The following UXT variants were observed in gnomAD, a reference collection of about 807,000 sequenced individuals.
UXT encodes protein UXT.
For synonymous variants in UXT, 54 were observed against 52.8 expected (o/e 1.02, Z -0.10); for missense variants, 111 against 132.7 (o/e 0.84, Z 0.80).
At chrX:47,656,906 T>C (rs950290330) in intron 4 of UXT, among the ~76,000 whole-genome samples, 1 of 112,427 alleles carries the variant, frequency 8.9e-6, no homozygotes, top group Non-Finnish European at 1.9e-5. Context: ...AAGGAACTCT[T>C]CTGTCTTGTT....
chrX:47,658,011 G>A (rs1324922163), intron 1 of UXT, 148 bp from the exon 3 acceptor site: 6 of 385,292 alleles, frequency 1.6e-5, no homozygotes, highest in Non-Finnish European at 2.5e-5. Context: ...GGGTCAGACT[G>A]CCTGGGTTTG....
At chrX:47,658,553 GCCGAGCCAGGATTCGAAC>G (rs1425785979) in intron 1 of UXT, among the ~76,000 whole-genome samples, 2 of 112,003 alleles carry the variant, frequency 1.8e-5, no homozygotes, top group East Asian at 5.6e-4. Context: ...ATGAAGAATG[GCCGAGCCAGGATTCGAAC>G]CCGAGAACTG....
Position 47,651,806 on chromosome X carries a change from T to G in UXT, c.*36A>C. Reference sequence around the variant, plus strand: ...GAAGGGCCATGTGACTCAAAGGCATTCAGGCTCTTTAATGTCTGAGGATGG... The same window carrying G: ...GAAGGGCCATGTGACTCAAAGGCATGCAGGCTCTTTAATGTCTGAGGATGG... On this transcript the variant is annotated 3_prime_UTR_variant, in exon 6 of 6. Transcript: ENST00000335890. The G allele has an allele frequency of 8.3e-7, 1 of 1,201,849 alleles. No individual in the cohort carries two copies. Among genetic ancestry groups the G allele is most frequent in the Non-Finnish European group, 1.1e-6 (1 of 889,303 alleles).
At position 47,659,172 on chromosome X, in the gene UXT, G is replaced by C; in HGVS notation, c.-209C>G. 1.8e-6 allele frequency: 1 copy of C among 560,656 alleles called. No homozygotes were observed. The highest frequency in any genetic ancestry group is 3.0e-6 in the Non-Finnish European group (1 of 334,211). The allele number at this position is 560,656 out of a possible 1,213,427, so 46.2% of individuals were successfully genotyped here. ...GAACCGCGGCTTCCGGGTGGCGCGGGTGAATGACGTAAGTGGCAAGCGCGC... is the reference window on the plus strand; with the variant it reads ...GAACCGCGGCTTCCGGGTGGCGCGGCTGAATGACGTAAGTGGCAAGCGCGC... On this transcript the variant is annotated 5_prime_UTR_variant, in exon 1 of 6. Coordinates refer to ENST00000335890, the MANE Select transcript of UXT (RefSeq NM_153477.3).
chrX:47,654,565 T>C (rs2058078095), intron 4 of UXT, among the ~76,000 whole-genome samples: 1 of 111,528 alleles, frequency 9.0e-6, no homozygotes, highest in Admixed American at 9.6e-5. Context: ...TGTACTCCTT[T>C]CTGTGTCATC....
At chrX:47,652,623 C>T (rs903072018) in intron 4 of UXT, among the ~76,000 whole-genome samples, 3 of 111,960 alleles carry the variant, frequency 2.7e-5, no homozygotes, top group African/African-American at 9.8e-5. Flanking sequence ...GTGTTCCACA[C>T]ACAAGGGGCA....
At chrX:47,652,053 G>C in intron 5 of UXT, 28 bp downstream of exon 6, 1 of 1,202,104 alleles carries the variant, frequency 8.3e-7, no homozygotes, top group Non-Finnish European at 1.1e-6. Context: ...TAAACACAGA[G>C]TCTGGTAGTG....
At chrX:47,651,928 A>G in intron 5 of UXT, 33 bp from the exon 7 acceptor site, 1 of 1,206,116 alleles carries the variant, frequency 8.3e-7, no homozygotes, top group Non-Finnish European at 1.1e-6. Flanking sequence ...TTGAACAAAG[A>G]CTGGGTCTGG....
chrX:47,654,171 T>C, intron 4 of UXT: 1 of 605,871 alleles, frequency 1.7e-6, no homozygotes, highest in Non-Finnish European at 2.0e-6. Flanking sequence ...ACTACTGATT[T>C]AGTATGTAAG....
At chrX:47,658,712 G>A in intron 1 of UXT, 118 bp downstream of exon 2, 1 of 974,435 alleles carries the variant, frequency 1.0e-6, no homozygotes, top group Non-Finnish European at 1.3e-6. Flanking sequence ...GCTCCAAGGA[G>A]CGCGGGGCCG....
At chrX:47,651,917 A>G in intron 5 of UXT, 22 bp from the exon 7 acceptor site, 1 of 1,208,840 alleles carries the variant, frequency 8.3e-7, no homozygotes, top group Non-Finnish European at 1.1e-6. Flanking sequence ...GACAGAAGAG[A>G]TTGAACAAAG....
In UXT at chrX:47,659,171, G is replaced by C. The variant is rs1440146224; in HGVS notation, c.-208C>G. 1 of 562,808 alleles carries C rather than the reference G, an allele frequency of 1.8e-6. No individual in the cohort carries two copies. 46.4% of individuals were successfully genotyped at this position (562,808 alleles called of 1,213,427 possible). A position where few individuals can be genotyped will look rare whatever the true frequency, so the allele number is the denominator to read the frequency against. On this transcript the variant is annotated 5_prime_UTR_variant, in exon 1 of 6. Coordinates refer to ENST00000335890, the MANE Select transcript of UXT (RefSeq NM_153477.3). ...GGAACCGCGGCTTCCGGGTGGCGCG[G>C]GTGAATGACGTAAGTGGCAAGCGCG...
chrX:47,656,741 G>T (rs963828091), intron 4 of UXT, among the ~76,000 whole-genome samples: 10 of 111,810 alleles, frequency 8.9e-5, no homozygotes, highest in African/African-American at 2.6e-4. Flanking sequence ...GGTGAGTGTG[G>T]CAGGAACACA....
intron 3 of UXT, 65 bp downstream of exon 4, chrX:47,657,507 A>C: frequency 1.8e-6 from 2 of 1,099,269 alleles, no homozygotes; most frequent in East Asian, 6.1e-5. Context: ...TCAAAAAAAT[A>C]TAAGTTGCAT....
intron 3 of UXT, 51 bp downstream of exon 4, chrX:47,657,521 G>T (rs775199056): frequency 8.7e-7 from 1 of 1,153,695 alleles, no homozygotes; most frequent in South Asian, 1.9e-5. Flanking sequence ...GTTGCATGAG[G>T]GAAGGGGTAA....
rs1053739281 is a variant in UXT at position 47,657,881 on chromosome X, C to T, written c.135-18G>A. 3.6e-5 allele frequency: 40 copies of T among 1,101,105 alleles called. No homozygotes were observed. The highest frequency in any genetic ancestry group is 4.8e-5 in the Non-Finnish European group (40 of 834,048). 90.7% of individuals were successfully genotyped at this position (1,101,105 alleles called of 1,213,427 possible). ...GCACCTTTCTGATGGGACGAAAGTA[C>T]AATGGTGACCAATAGGCAGCCCCAT... On this transcript the variant is annotated intron_variant, in intron 1 of 5. Coordinates refer to ENST00000335890, the MANE Select transcript of UXT (RefSeq NM_153477.3).
intron 4 of UXT, among the ~76,000 whole-genome samples, chrX:47,654,976 C>A (rs1214002800): frequency 8.9e-6 from 1 of 112,132 alleles, no homozygotes; most frequent in South Asian, 3.7e-4. Context: ...ACAAGGAAAG[C>A]CTTCTTATAC....
rs988719720 is a variant in UXT at position 47,652,218 on chromosome X, T to C, written c.393-74A>G. ...ATGACCCTTCCTTATCACTTCAAGA[T>C]CTACTTATATCCTGGATGATTTCCA... On this transcript the variant is annotated intron_variant, in intron 4 of 5. Transcript: ENST00000335890. 9.5e-6 allele frequency: 9 copies of C among 947,226 alleles called. No individual in the cohort carries two copies. In the African/African-American group the frequency reaches 1.7e-4, roughly 18 times the overall value. The allele number at this position is 947,226 out of a possible 1,213,427, so 78.1% of individuals were successfully genotyped here.
rs189629841 is a variant in UXT at position 47,651,918 on chromosome X, T to C, written c.457-23A>G. 4.2e-4 allele frequency: 512 copies of C among 1,207,238 alleles called. No individual in the cohort carries two copies. In the African/African-American group the frequency reaches 7.7e-3, roughly 18 times the overall value. On this transcript the variant is annotated intron_variant, in intron 5 of 5. Coordinates refer to ENST00000335890, the MANE Select transcript of UXT (RefSeq NM_153477.3). ...CCCCTGAAAAAGAGGACAGAAGAGA[T>C]TGAACAAAGACTGGGTCTGGGTTAC...
Sources: gnomAD v4.1 joint callset for allele counts (sites outside exome capture counted in the v4.1 genomes callset) on GRCh38, gnomAD v4.1.1 for gene constraint, MANE v1.5 for transcripts, NCBI Gene and HGNC (gene_info 2026-07-23, HGNC 2026-07-21) for gene names.